The following ZNF475 variants were observed in gnomAD, a reference collection of about 807,000 sequenced individuals.
The protein encoded by ZNF475 is zinc finger protein 475.
the ZNF475 span, among the ~76,000 whole-genome samples, chr5:122,177,372 A>G: frequency 6.6e-6 from 1 of 152,204 alleles, no homozygotes; most frequent in Non-Finnish European, 1.5e-5. Context: ...TTTTCTTCTC[A>G]GATATATGGG....
the ZNF475 span, among the ~76,000 whole-genome samples, chr5:122,172,283 A>G: frequency 6.6e-6 from 1 of 152,184 alleles, no homozygotes; most frequent in Non-Finnish European, 1.5e-5. Context: ...ACAGGTATAT[A>G]ATAAGACTAT....
At chr5:122,173,827 T>A in the ZNF475 span, among the ~76,000 whole-genome samples, 1 of 152,232 alleles carries the variant, frequency 6.6e-6, no homozygotes, top group Non-Finnish European at 1.5e-5. Context: ...TTACATAGAT[T>A]TAGTGACTAA....
the ZNF475 span, among the ~76,000 whole-genome samples, chr5:122,166,597 G>A: frequency 6.6e-6 from 1 of 151,434 alleles, no homozygotes; most frequent in Non-Finnish European, 1.5e-5. Context: ...GCGGTGTTTG[G>A]TTTTCTGTCC....
chr5:122,165,698 A>G, the ZNF475 span, among the ~76,000 whole-genome samples: 4 of 151,536 alleles, frequency 2.6e-5, no homozygotes. Flanking sequence ...GAATATGGCT[A>G]TTTTGATGTA....
the ZNF475 span, among the ~76,000 whole-genome samples, chr5:122,181,150 C>T: frequency 6.6e-6 from 1 of 152,248 alleles, no homozygotes; most frequent in Admixed American, 6.5e-5. Context: ...CTGCAGTCTT[C>T]CTCTCACTTC....
chr5:122,177,341 C>T, the ZNF475 span, among the ~76,000 whole-genome samples: 1 of 152,162 alleles, frequency 6.6e-6, no homozygotes, highest in Non-Finnish European at 1.5e-5. Context: ...CTGTTATAAA[C>T]TTTCCATTGA....
the ZNF475 span, among the ~76,000 whole-genome samples, chr5:122,173,505 G>A: frequency 6.6e-6 from 1 of 152,144 alleles, no homozygotes; most frequent in East Asian, 1.9e-4. Flanking sequence ...ACAATAATTA[G>A]GATAAAAGTT....
chr5:122,166,590 G>A, the ZNF475 span, among the ~76,000 whole-genome samples: 1 of 151,848 alleles, frequency 6.6e-6, no homozygotes, highest in Non-Finnish European at 1.5e-5. Context: ...AGAACATGCG[G>A]TGTTTGGTTT....
At chr5:122,167,862 A>G in the ZNF475 span, among the ~76,000 whole-genome samples, 1 of 152,334 alleles carries the variant, frequency 6.6e-6, no homozygotes, top group Non-Finnish European at 1.5e-5. Context: ...TGGATTTTAT[A>G]TAAATACAAT....
chr5:122,180,619 A>G, the ZNF475 span, among the ~76,000 whole-genome samples: 2 of 152,186 alleles, frequency 1.3e-5, no homozygotes, highest in Non-Finnish European at 2.9e-5. Context: ...CTCACAGGAC[A>G]ATGTTGGTTT....
the ZNF475 span, among the ~76,000 whole-genome samples, chr5:122,171,269 T>C: frequency 6.6e-6 from 1 of 152,182 alleles, no homozygotes; most frequent in African/African-American, 2.4e-5. Flanking sequence ...GATTTTTTTA[T>C]TACTTTTTAT....
At chr5:122,169,833 G>T in the ZNF475 span, among the ~76,000 whole-genome samples, 5 of 152,168 alleles carry the variant, frequency 3.3e-5, no homozygotes, top group Non-Finnish European at 4.4e-5. Flanking sequence ...CCATACAGCC[G>T]CACTTGGTTA....
the ZNF475 span, chr5:122,180,011 A>C: frequency 6.1e-5 from 14 of 230,240 alleles, no homozygotes; most frequent in African/African-American, 2.5e-4. Context: ...TACATCATCA[A>C]ACCCTTTGAA....
the ZNF475 span, chr5:122,182,369 C>T: frequency 1.5e-6 from 1 of 680,850 alleles, no homozygotes; most frequent in Non-Finnish European, 2.2e-6. Flanking sequence ...AAATATTTTC[C>T]ATAGAAAGTA....
chr5:122,164,954 A>G, the ZNF475 span, among the ~76,000 whole-genome samples: 1 of 152,182 alleles, frequency 6.6e-6, no homozygotes, highest in African/African-American at 2.4e-5. Context: ...TGTTTTCTAA[A>G]TAAAGGGGTT....
the ZNF475 span, chr5:122,179,417 T>C: frequency 2.5e-6 from 1 of 395,550 alleles, no homozygotes; most frequent in Non-Finnish European, 4.5e-6. Context: ...TCTTATTTCC[T>C]TGGGTAGTGG....
At chr5:122,171,357 T>G in the ZNF475 span, among the ~76,000 whole-genome samples, 1 of 152,128 alleles carries the variant, frequency 6.6e-6, no homozygotes, top group Non-Finnish European at 1.5e-5. Flanking sequence ...TCCCCTAATT[T>G]GACCTTAGTG....
At chr5:122,169,833 G>A in the ZNF475 span, among the ~76,000 whole-genome samples, 4 of 152,168 alleles carry the variant, frequency 2.6e-5, no homozygotes, top group East Asian at 3.8e-4. Flanking sequence ...CCATACAGCC[G>A]CACTTGGTTA....
chr5:122,168,149 A>T, the ZNF475 span, among the ~76,000 whole-genome samples: 1 of 152,050 alleles, frequency 6.6e-6, no homozygotes, highest in Non-Finnish European at 1.5e-5. Flanking sequence ...GGTTCAAGCG[A>T]TTCTCCCGCC....
Sources: allele counts gnomAD v4.1 joint callset (sites outside exome capture counted in the v4.1 genomes callset), GRCh38; gene constraint gnomAD v4.1.1; transcripts MANE v1.5; gene names NCBI Gene and HGNC (gene_info 2026-07-23, HGNC 2026-07-21).